The following SNRPA variants were observed in gnomAD, a reference collection of about 807,000 sequenced individuals.
SNRPA encodes the protein U1 small nuclear ribonucleoprotein A.
A neutral mutation model predicts 24.5 loss-of-function variants in SNRPA; 10 were observed. The observed-to-expected ratio is 0.41, with a 90% CI of 0.25 to 0.69. The LOEUF (loss-of-function observed/expected upper bound fraction) is 0.69. SNRPA is among the 30% of genes least tolerant of loss of function. The pLI is 0.33. For synonymous variants in SNRPA, 165 were observed against 148.4 expected (o/e 1.11, Z -0.81); for missense variants, 283 against 394.7 (o/e 0.72, Z 2.40).
At chr19:40,752,320 A>C (rs1233579780) in intron 1 of SNRPA, among the ~76,000 whole-genome samples, 1 of 151,830 alleles carries the variant, frequency 6.6e-6, no homozygotes, top group Non-Finnish European at 1.5e-5. Context: ...CTGGGCAACA[A>C]GAGCGAAACT....
At chr19:40,761,741 A>G (rs1309718445) in intron 3 of SNRPA, among the ~76,000 whole-genome samples, 2 of 152,092 alleles carry the variant, frequency 1.3e-5, no homozygotes, top group Non-Finnish European at 2.9e-5. Flanking sequence ...TGCTGGGATT[A>G]CAAGCGTGAG....
Position 40,763,063 on chromosome 19 carries a change from C to T in SNRPA, c.589C>T (p.Pro197Ser). ...PQQLMPGQMP[P>S]AQPLSENPPN... Reference sequence around the variant, plus strand: ...GCAGCTTATGCCAGGACAGATGCCCCCTGCCCAGCCTGTGAGTATCTAGTC... The same window carrying T: ...GCAGCTTATGCCAGGACAGATGCCCTCTGCCCAGCCTGTGAGTATCTAGTC... The change falls in exon 4 of 6, where the codon CCT becomes TCT. Residue 197 changes from proline to serine, a missense_variant. By Grantham distance (74) the Pro-to-Ser change is moderately conservative. Transcript: ENST00000243563. 19 of 1,570,082 alleles carry T rather than the reference C, an allele frequency of 1.2e-5. No homozygotes were observed. Among genetic ancestry groups the T allele is most frequent in the Admixed American group, 3.8e-5 (2 of 53,232 alleles).
At chr19:40,764,948 C>A (rs1425850242) in intron 5 of SNRPA, 60 bp from the exon 6 acceptor site, 10 of 1,458,584 alleles carry the variant, frequency 6.9e-6, no homozygotes, top group Non-Finnish European at 9.1e-6. Flanking sequence ...CCTCTGTCCA[C>A]TTGATGCCGT....
intron 3 of SNRPA, among the ~76,000 whole-genome samples, chr19:40,760,590 A>G (rs965137214): frequency 3.9e-5 from 6 of 152,204 alleles, no homozygotes; most frequent in African/African-American, 1.2e-4. Context: ...GTGGAAAGAC[A>G]AGGCCAAGCC....
chr19:40,758,156 G>C (rs10153478), intron 2 of SNRPA, among the ~76,000 whole-genome samples: 1 of 151,010 alleles, frequency 6.6e-6, no homozygotes, highest in South Asian at 2.1e-4. Context: ...TAGTAGAGAC[G>C]GGGTTTCGCC....
intron 3 of SNRPA, among the ~76,000 whole-genome samples, chr19:40,760,485 C>T (rs1420407540): frequency 6.6e-6 from 1 of 152,160 alleles, no homozygotes; most frequent in East Asian, 1.9e-4. Flanking sequence ...GAGGTCAGTT[C>T]CATCCAAATT....
intron 1 of SNRPA, among the ~76,000 whole-genome samples, chr19:40,755,672 G>A (rs901265995): frequency 2.0e-5 from 3 of 152,192 alleles, no homozygotes; most frequent in African/African-American, 7.2e-5. Context: ...CACCATGCTT[G>A]GCCATCTCAG....
intron 3 of SNRPA, among the ~76,000 whole-genome samples, chr19:40,761,210 A>C (rs1322690494): frequency 2.6e-5 from 4 of 151,770 alleles, no homozygotes; most frequent in Non-Finnish European, 5.9e-5. Flanking sequence ...AGGGGACAGG[A>C]TGAAGAGTCT....
intron 1 of SNRPA, 180 bp downstream of exon 1, chr19:40,751,661 C>G: frequency 1.7e-6 from 1 of 602,952 alleles, no homozygotes; most frequent in Admixed American, 2.6e-5. Context: ...ACACTCTGCC[C>G]TTTAACGTGG....
intron 1 of SNRPA, among the ~76,000 whole-genome samples, chr19:40,755,744 T>C (rs963916852): frequency 2.7e-4 from 41 of 152,164 alleles, no homozygotes; most frequent in African/African-American, 9.7e-4. Context: ...AGGGAGTCCA[T>C]CCTTGTTGAG....
rs2082923012 is a variant in SNRPA at position 40,759,582 on chromosome 19, TGGTGGG to T, written c.401_406del (p.Val134_Gly135del). ...GTGCAAGGCGGGGGAGCCACCCCCG[TGGTGGG>T]GGCTGTCCAGGGGCCTGTCCCGGTA... is the stretch of plus-strand genomic sequence containing the variant. On this transcript the variant is annotated inframe_deletion, in exon 3 of 6. Transcript: ENST00000243563. The T allele has an allele frequency of 6.2e-7, 1 of 1,611,968 alleles. No individual in the cohort carries two copies. Among genetic ancestry groups the T allele is most frequent in the Non-Finnish European group, 8.5e-7 (1 of 1,179,438 alleles).
chr19:40,763,499 G>A, intron 4 of SNRPA, 88 bp from the exon 5 acceptor site: 3 of 1,004,758 alleles, frequency 3.0e-6, no homozygotes, highest in Non-Finnish European at 4.8e-6. Context: ...AATTCAAGCA[G>A]GGTGAGGGAT....
chr19:40,756,047 A>G (rs532535020), intron 1 of SNRPA, among the ~76,000 whole-genome samples: 1 of 152,102 alleles, frequency 6.6e-6, no homozygotes, highest in Admixed American at 6.6e-5. Flanking sequence ...CCAAGGCAGG[A>G]GGATCACTGG....
At chr19:40,753,993 G>A (rs1327180376) in intron 1 of SNRPA, among the ~76,000 whole-genome samples, 1 of 151,446 alleles carries the variant, frequency 6.6e-6, no homozygotes, top group Non-Finnish European at 1.5e-5. Context: ...AGTAGAGAAG[G>A]GGTTTAACCA....
intron 4 of SNRPA, 70 bp downstream of exon 4, chr19:40,763,144 TG>T (rs1209198787): frequency 7.9e-7 from 1 of 1,267,862 alleles, no homozygotes; most frequent in Admixed American, 2.5e-5. Flanking sequence ...AGGGACCAGT[TG>T]GGGGGCTGCT....
rs115762627 is a variant in SNRPA at position 40,751,511 on chromosome 19, A to T, written c.73+30A>T. 2.9e-3 allele frequency: 4,415 copies of T among 1,496,616 alleles called. 92 individuals carry two copies. The African/African-American group carries it at 0.051, about 17-fold the overall frequency. The allele number at this position is 1,496,616 out of a possible 1,614,324, so 92.7% of individuals were successfully genotyped here. A position where few individuals can be genotyped will look rare whatever the true frequency, so the allele number is the denominator to read the frequency against. ...GTTCTCGGGATAGTCCGGAGTCCAG[A>T]CTGTCCCGCACGGGCTGGCCCCTCT... On this transcript the variant is annotated intron_variant, in intron 1 of 5. Coordinates refer to ENST00000243563, the MANE Select transcript of SNRPA (RefSeq NM_004596.5).
chr19:40,765,248 T>G lies in SNRPA; in HGVS notation c.*81T>G. ...CTTGGCTCAGCCCCCTGAAGGTAAG[T>G]CCCCCCTTGGGGGCCTTCTTGGAGC... On this transcript the variant is annotated 3_prime_UTR_variant, in exon 6 of 6. Transcript: ENST00000243563. 2 of 1,038,186 alleles carry G rather than the reference T, an allele frequency of 1.9e-6. No homozygotes were observed. Among genetic ancestry groups the G allele is most frequent in the Non-Finnish European group, 2.6e-6 (2 of 762,000 alleles). 64.3% of individuals were successfully genotyped at this position (1,038,186 alleles called of 1,614,324 possible).
rs377659020 is a variant in SNRPA at position 40,751,447 on chromosome 19, T to C, written c.39T>C (p.Tyr13=). 6.2e-7 allele frequency: 1 copy of C among 1,613,498 alleles called. No individual in the cohort carries two copies. The highest frequency in any genetic ancestry group is 1.3e-5 in the African/African-American group (1 of 74,834). Residue 13 remains tyrosine (Y), a synonymous_variant, in exon 1 of 6, where the codon TAT becomes TAC. Coordinates refer to ENST00000243563, the MANE Select transcript of SNRPA (RefSeq NM_004596.5). The stretch of plus-strand genomic sequence containing the variant: ...AGACCCGCCCTAACCACACTATTTA[T>C]ATCAACAACCTCAATGAGAAGATCA... ...VPETRPNHTI[Y]INNLNEKIKK...
At position 40,751,381 on chromosome 19, in the gene SNRPA, T is replaced by G. The variant is rs761493788; in HGVS notation, c.-28T>G. On this transcript the variant is annotated 5_prime_UTR_variant, in exon 1 of 6. Transcript: ENST00000243563. ...AGGGCTAAAGTCACGTTTTTCCTCC[T>G]TTAAGACTTACCTCAACACTTCACT... 2 of 1,584,938 alleles carry G rather than the reference T, an allele frequency of 1.3e-6. No homozygotes were observed. Among genetic ancestry groups the G allele is most frequent in the Non-Finnish European group, 1.7e-6 (2 of 1,153,488 alleles).
Sources: allele counts gnomAD v4.1 joint callset (sites outside exome capture counted in the v4.1 genomes callset), GRCh38; gene constraint gnomAD v4.1.1; transcripts MANE v1.5; gene names NCBI Gene and HGNC (gene_info 2026-07-23, HGNC 2026-07-21).